The following BRD2 variants were observed in gnomAD, a reference collection of about 807,000 sequenced individuals.
BRD2 encodes bromodomain containing 2.
In BRD2, 15 loss-of-function variants were observed where a neutral mutation model predicts 79.1. That is an observed-to-expected ratio of 0.19 (90% CI 0.13 to 0.29). The LOEUF (loss-of-function observed/expected upper bound fraction) is 0.29. Among genes scored for constraint, BRD2 ranks in the 10% least tolerant of loss-of-function variants. The pLI, the probability that BRD2 is intolerant of heterozygous loss-of-function variation, is 1.00. For missense variants in BRD2, 1,053 were observed against 991.3 expected (o/e 1.06, Z -0.84); for synonymous variants, 488 against 358.6 (o/e 1.36, Z -4.08).
intron 1 of BRD2, chr6:32,970,096 A>G (rs1207528300): frequency 1.3e-5 from 2 of 152,312 alleles, no homozygotes; most frequent in Non-Finnish European, 2.9e-5. Flanking sequence ...CCTAAGGCCT[A>G]GTATTTTCTC....
At position 32,977,539 on chromosome 6, in the gene BRD2, A is replaced by G. The variant is rs776485328; in HGVS notation, c.1298A>G (p.His433Arg). The change falls in exon 8 of 13, where the codon CAC becomes CGC. Residue 433 changes from histidine (H) to arginine (R), a missense_variant. His to Arg is a conservative substitution (Grantham distance 29, BLOSUM62 0). Coordinates refer to ENST00000374825, the MANE Select transcript of BRD2 (RefSeq NM_005104.4). ...TGCTATAAGTACAATCCCCCAGATC[A>G]CGATGTTGTGGCAATGGCACGAAAG... The part of the protein sequence containing the change: ...SNCYKYNPPD[H>R]DVVAMARKLQ... The G allele has an allele frequency of 6.2e-7, 1 of 1,614,070 alleles. No individual in the cohort carries two copies. The highest frequency in any genetic ancestry group is 1.7e-5 in the Admixed American group (1 of 60,030).
At chr6:32,974,140 C>T (rs141778499) in intron 2 of BRD2, among the ~76,000 whole-genome samples, 7 of 152,306 alleles carry the variant, frequency 4.6e-5, no homozygotes, top group African/African-American at 1.7e-4. Context: ...TAAGCCCCAT[C>T]CCCATAGGGC....
At chr6:32,969,799 G>T (rs966693361) in intron 1 of BRD2, among the ~76,000 whole-genome samples, 3 of 152,162 alleles carry the variant, frequency 2.0e-5, no homozygotes, top group Non-Finnish European at 4.4e-5. Context: ...TCTGAGATGC[G>T]AGGGAGGCTC....
At chr6:32,970,659 T>TG (rs1777860300) in intron 1 of BRD2, 2 of 151,312 alleles carry the variant, frequency 1.3e-5, no homozygotes, top group African/African-American at 4.9e-5. Context: ...TTTTCTCGGG[T>TG]GGGGGAGATC....
At chr6:32,978,674 T>C in intron 10 of BRD2, 2 of 521,460 alleles carry the variant, frequency 3.8e-6, no homozygotes, top group Non-Finnish European at 6.8e-6. Flanking sequence ...CCATGCGCAC[T>C]TCACAGTAGG....
At position 32,975,668 on chromosome 6, in the gene BRD2, T is replaced by C. The variant is rs1489353576; in HGVS notation, c.471+147T>C. On this transcript the variant is annotated intron_variant, in intron 4 of 12. Coordinates refer to ENST00000374825, the MANE Select transcript of BRD2 (RefSeq NM_005104.4). ...AGTCGGAGTCTTAAAAACCTGACTC[T>C]AGATGGTACTATTGAACACAGTGAT... The C allele has an allele frequency of 4.2e-6, 4 of 948,660 alleles. No individual in the cohort carries two copies. In the African/African-American group the frequency reaches 6.7e-5, roughly 16 times the overall value. The allele number at this position is 948,660 out of a possible 1,614,324, so 58.8% of individuals were successfully genotyped here. A position where few individuals can be genotyped will look rare whatever the true frequency, so the allele number is the denominator to read the frequency against.
At position 32,978,296 on chromosome 6, in the gene BRD2, A is replaced by G; in HGVS notation, c.1749A>G (p.Gln583=). The change falls in exon 10 of 13, where the codon CAA becomes CAG. Residue 583 remains glutamine, a synonymous_variant. Transcript: ENST00000374825. ...DKGPRAPRPP[Q]PKKSKKASGS... Reference sequence around the variant, plus strand: ...GGCCTAGGGCACCCCGCCCACCTCAACCTAAGAAGTCCAAGAAAGCAAGTG... The same window carrying G: ...GGCCTAGGGCACCCCGCCCACCTCAGCCTAAGAAGTCCAAGAAAGCAAGTG... 6.2e-7 allele frequency: 1 copy of G among 1,613,012 alleles called. No individual in the cohort carries two copies. Among genetic ancestry groups the G allele is most frequent in the Non-Finnish European group, 8.5e-7 (1 of 1,180,012 alleles).
chr6:32,980,513 T>C lies in BRD2; in HGVS notation c.2269+49T>C, dbSNP rs553600369. 1.1e-5 allele frequency: 18 copies of C among 1,612,464 alleles called. No individual in the cohort carries two copies. The East Asian group carries it at 3.8e-4, about 34-fold the overall frequency. On this transcript the variant is annotated intron_variant, in intron 12 of 12. Transcript: ENST00000374825. ...TACAGATTGACTCCATCCTGCCTTC[T>C]TGACTGTCTTTTATTGACAAATGAA...
At position 32,974,752 on chromosome 6, in the gene BRD2, A is replaced by G; in HGVS notation, c.320A>G (p.Lys107Arg). 13 of 1,613,856 alleles carry G rather than the reference A, an allele frequency of 8.1e-6. No individual in the cohort carries two copies. The highest frequency in any genetic ancestry group is 1.1e-5 in the Non-Finnish European group (13 of 1,179,842). ...TTCCGGCAGCCTGTGGATGCTGTCA[A>G]ACTGGGTCTACCGGTGAGTAGAGAC... ...WPFRQPVDAV[K>R]LGLPDYHKII... The change falls in exon 3 of 13, where the codon AAA becomes AGA. Residue 107 changes from lysine (K) to arginine (R), a missense_variant. Transcript: ENST00000374825.
At chr6:32,975,309 T>TGAGTGA in intron 3 of BRD2, 75 bp from the exon 4 acceptor site, 2 of 1,029,892 alleles carry the variant, frequency 1.9e-6, no homozygotes, top group Non-Finnish European at 2.8e-6. Context: ...TGTGTGTGTG[T>TGAGTGA]GAGAGTCGGG....
At position 32,974,807 on chromosome 6, in the gene BRD2, A is replaced by G. The variant is rs770506325; in HGVS notation, c.333+42A>G. ...GAGCCGGGGAGGTGTGGGATGAGCA[A>G]GAATGCGTGTGAATGGGGGTGGTCT... On this transcript the variant is annotated intron_variant, in intron 3 of 12. Transcript: ENST00000374825. The G allele has an allele frequency of 3.8e-6, 6 of 1,594,400 alleles. No homozygotes were observed. In the Admixed American group the frequency reaches 5.1e-5, roughly 13 times the overall value.
rs767120261 is a variant in BRD2 at position 32,980,146 on chromosome 6, G to C, written c.2146+14G>C. ...GGAAGCCCTACAGTACGTATGAAAT[G>C]AGGTTCATCTCATGGTTCTGAGGAC... On this transcript the variant is annotated intron_variant, in intron 11 of 12. Coordinates refer to ENST00000374825, the MANE Select transcript of BRD2 (RefSeq NM_005104.4). The C allele has an allele frequency of 6.2e-7, 1 of 1,606,646 alleles. No homozygotes were observed. The highest frequency in any genetic ancestry group is 8.5e-7 in the Non-Finnish European group (1 of 1,177,004).
intron 1 of BRD2, chr6:32,971,150 T>A (rs1777924757): frequency 6.4e-6 from 1 of 156,010 alleles, no homozygotes; most frequent in Non-Finnish European, 1.4e-5. Context: ...TCCCAGGACT[T>A]GCTTTTTCTG....
Position 32,978,102 on chromosome 6 carries a change from C to T in BRD2, c.1579-24C>T, listed in dbSNP as rs11963236. On this transcript the variant is annotated intron_variant, in intron 9 of 12. Coordinates refer to ENST00000374825, the MANE Select transcript of BRD2 (RefSeq NM_005104.4). ...TTATTTTATCTTTATTTACTTTTTCCACTTCATGTTTTTTTTCCTTTAGCT... is the reference window on the plus strand; with the variant it reads ...TTATTTTATCTTTATTTACTTTTTCTACTTCATGTTTTTTTTCCTTTAGCT... 3,274 of 1,593,682 alleles carry T rather than the reference C, an allele frequency of 2.1e-3. 42 individuals are homozygous for T. The African/African-American group carries it at 0.03, about 15-fold the overall frequency.
intron 11 of BRD2, 57 bp downstream of exon 11, chr6:32,980,189 G>A (rs1370834079): frequency 1.3e-6 from 2 of 1,582,816 alleles, no homozygotes; most frequent in Admixed American, 1.8e-5. Flanking sequence ...GAAAGATGGT[G>A]GGGTCTGTTT....
At chr6:32,977,735 T>G in intron 8 of BRD2, 22 bp from the exon 9 acceptor site, 1 of 1,612,594 alleles carries the variant, frequency 6.2e-7, no homozygotes, top group Non-Finnish European at 8.5e-7. Context: ...CAGCATAGTT[T>G]TGAGTTTGTG....
In BRD2 at chr6:32,976,462, A is replaced by G; in HGVS notation, c.823A>G (p.Lys275Glu). 6.2e-7 allele frequency: 1 copy of G among 1,608,586 alleles called. No homozygotes were observed. Among genetic ancestry groups the G allele is most frequent in the African/African-American group, 1.3e-5 (1 of 75,026 alleles). Reference sequence around the variant, plus strand: ...AGCTCCTCCAGCCCAGCCCCTTGCCAAGGTATGATCTGTGGATTTCCTCTG... The same window carrying G: ...AGCTCCTCCAGCCCAGCCCCTTGCCGAGGTATGATCTGTGGATTTCCTCTG... ...TAAPPAQPLA[K>E]KKGVKRKADT... The change falls in exon 6 of 13, where the codon AAG (lysine) becomes GAG (glutamate). Residue 275 changes from lysine to glutamate, a missense_variant and splice_region_variant. Coordinates refer to ENST00000374825, the MANE Select transcript of BRD2 (RefSeq NM_005104.4).
At chr6:32,969,825 T>C (rs1777782793) in intron 1 of BRD2, among the ~76,000 whole-genome samples, 1 of 152,106 alleles carries the variant, frequency 6.6e-6, no homozygotes, top group Non-Finnish European at 1.5e-5. Context: ...CTGGAATGAT[T>C]TCACAGCTCC....
chr6:32,975,290 G>GTA, intron 3 of BRD2, 94 bp from the exon 4 acceptor site: 1 of 1,067,472 alleles, frequency 9.4e-7, no homozygotes, highest in Non-Finnish European at 1.4e-6. Flanking sequence ...GGGGGGGTGT[G>GTA]TGTGTGTGTG....
Sources: gnomAD v4.1 joint callset for allele counts (sites outside exome capture counted in the v4.1 genomes callset) on GRCh38, gnomAD v4.1.1 for gene constraint, MANE v1.5 for transcripts, NCBI Gene and HGNC (gene_info 2026-07-23, HGNC 2026-07-21) for gene names.